Variants in CRACD observed in about 807,000 individuals in gnomAD.
CRACD encodes capping protein inhibiting regulator of actin dynamics.
CRACD carries 56 observed loss-of-function variants against 106.8 expected under a neutral mutation model. The ratio of observed to expected loss-of-function variants is 0.52; its 90% CI spans 0.42 to 0.66. CRACD has a LOEUF of 0.66. CRACD is among the 30% of genes least tolerant of loss of function. CRACD has a pLI of 0.00. For missense variants in CRACD, 1,730 were observed against 1,623.2 expected (o/e 1.07, Z -1.13); for synonymous variants, 754 against 670.8 (o/e 1.12, Z -1.92).
intron 4 of CRACD, among the ~76,000 whole-genome samples, chr4:56,305,754 G>A (rs901116291): frequency 6.6e-6 from 1 of 152,186 alleles, no homozygotes; most frequent in Non-Finnish European, 1.5e-5. Flanking sequence ...CAGGGGGCAT[G>A]TGGAGGGGAC....
chr4:56,287,048 C>A (rs148889669), intron 3 of CRACD, among the ~76,000 whole-genome samples: 52 of 152,278 alleles, frequency 3.4e-4, no homozygotes, highest in African/African-American at 1.2e-3. Context: ...GAAACAAGCC[C>A]TTCAAAACGC....
intron 2 of CRACD, among the ~76,000 whole-genome samples, chr4:56,242,827 GC>G (rs1740444650): frequency 6.6e-6 from 1 of 152,156 alleles, no homozygotes; most frequent in South Asian, 2.1e-4. Context: ...GAGATAGCAG[GC>G]GAGGGAGGGT....
At chr4:56,117,804 C>G (rs1734342819) in intron 1 of CRACD, among the ~76,000 whole-genome samples, 2 of 152,202 alleles carry the variant, frequency 1.3e-5, no homozygotes, top group Non-Finnish European at 2.9e-5. Context: ...GCTACCCAGG[C>G]TGGAGTGCAG....
At chr4:56,251,187 C>T (rs538529637) in intron 2 of CRACD, among the ~76,000 whole-genome samples, 125 of 152,218 alleles carry the variant, frequency 8.2e-4, no homozygotes, top group Non-Finnish European at 1.3e-3. Flanking sequence ...ATGCCTTGAC[C>T]GCCTGAGTCT....
intron 1 of CRACD, among the ~76,000 whole-genome samples, chr4:56,145,006 C>G (rs1735332692): frequency 1.3e-5 from 2 of 151,960 alleles, no homozygotes; most frequent in African/African-American, 4.8e-5. Flanking sequence ...CAGGCTGGTC[C>G]TGAACTCTTG....
chr4:56,301,427 A>T (rs942907551), intron 4 of CRACD, among the ~76,000 whole-genome samples: 2 of 152,014 alleles, frequency 1.3e-5, no homozygotes, highest in African/African-American at 4.8e-5. Flanking sequence ...TTATGTCTGG[A>T]ATTGTCTTTG....
In CRACD at chr4:56,266,719, A is replaced by G. The variant is rs552236506; in HGVS notation, c.-188-5602A>G. 4.5e-3 allele frequency among the ~76,000 whole-genome samples: 686 copies of G among 152,354 alleles called. 1 individual carries two copies. Among genetic ancestry groups the G allele is most frequent in the Non-Finnish European group, 7.6e-3 (516 of 68,032 alleles). ...ATCAAGAAAATAGCTGCTACTGATG[A>G]CCATGTACTTAATCCAGTTGATTCT... On this transcript the variant is annotated intron_variant, in intron 2 of 10. Coordinates refer to ENST00000682029, the MANE Select transcript of CRACD (RefSeq NM_001393381.1).
At chr4:56,057,427 A>T (rs1309534549) in intron 1 of CRACD, among the ~76,000 whole-genome samples, 2 of 152,176 alleles carry the variant, frequency 1.3e-5, no homozygotes, top group Non-Finnish European at 2.9e-5. Flanking sequence ...GTGTGTACAC[A>T]CATACACCTA....
chr4:56,255,218 A>G (rs1276016772), intron 2 of CRACD, among the ~76,000 whole-genome samples: 1 of 144,308 alleles, frequency 6.9e-6, no homozygotes, highest in African/African-American at 2.5e-5. Flanking sequence ...TGTGTTATCA[A>G]TAATTACTAC....
chr4:56,115,701 C>A (rs1334669794), intron 1 of CRACD, among the ~76,000 whole-genome samples: 1 of 152,046 alleles, frequency 6.6e-6, no homozygotes, highest in East Asian at 1.9e-4. Flanking sequence ...TATTTACTAC[C>A]CTAGTTAGTA....
At chr4:56,325,163 C>T (rs1284620418) in intron 10 of CRACD, among the ~76,000 whole-genome samples, 3 of 151,914 alleles carry the variant, frequency 2.0e-5, no homozygotes, top group South Asian at 2.1e-4. Flanking sequence ...GGCGAAACCC[C>T]GTCTCTACTA....
chr4:56,263,305 G>A (rs545852389), intron 2 of CRACD, among the ~76,000 whole-genome samples: 1 of 152,190 alleles, frequency 6.6e-6, no homozygotes, highest in South Asian at 2.1e-4. Context: ...TTACAAAACA[G>A]CAGGTCCAAG....
At chr4:56,137,859 A>C (rs1227677791) in intron 1 of CRACD, among the ~76,000 whole-genome samples, 1 of 152,236 alleles carries the variant, frequency 6.6e-6, no homozygotes, top group Admixed American at 6.5e-5. Context: ...TCTCTAAACA[A>C]ACAAGCAAAC....
At chr4:56,327,188 T>C (rs1454263564) in intron 10 of CRACD, among the ~76,000 whole-genome samples, 4 of 152,230 alleles carry the variant, frequency 2.6e-5, no homozygotes, top group Non-Finnish European at 5.9e-5. Context: ...ACTTTGGTTG[T>C]TGTAATTCTG....
At chr4:56,307,507 A>C (rs1744809603) in intron 4 of CRACD, 28 bp from the exon 5 acceptor site, 6 of 1,612,206 alleles carry the variant, frequency 3.7e-6, no homozygotes, top group Non-Finnish European at 5.1e-6. Context: ...TCACTGCTTC[A>C]GAATGTCTTT....
At chr4:56,286,483 G>A (rs1215794570) in intron 3 of CRACD, among the ~76,000 whole-genome samples, 2 of 134,078 alleles carry the variant, frequency 1.5e-5, no homozygotes, top group African/African-American at 5.6e-5. Context: ...CCGAGATCGC[G>A]CCACTGCACT....
At chr4:56,102,957 A>C (rs1354212154) in intron 1 of CRACD, among the ~76,000 whole-genome samples, 1 of 152,176 alleles carries the variant, frequency 6.6e-6, no homozygotes, top group Non-Finnish European at 1.5e-5. Context: ...ATAAAGCCTT[A>C]GCACTCATCA....
intron 1 of CRACD, among the ~76,000 whole-genome samples, chr4:56,129,798 C>T (rs182045962): frequency 1.3e-5 from 2 of 152,218 alleles, no homozygotes; most frequent in African/African-American, 2.4e-5. Context: ...TAGGATTATG[C>T]GTACAGTGCT....
chr4:56,230,403 GT>G lies in CRACD; in HGVS notation c.-188-41917del, dbSNP rs377456852. 3.2e-3 allele frequency among the ~76,000 whole-genome samples: 488 copies of G among 152,268 alleles called. 3 individuals are homozygous for G. The highest frequency in any genetic ancestry group is 0.011 in the African/African-American group (460 of 41,540). ...CATCAATTGTTCTATTAAACAACAT[GT>G]ACTGAGCACTGCTATCTGTCTGTGG... On this transcript the variant is annotated intron_variant, in intron 2 of 10. Coordinates refer to ENST00000682029, the MANE Select transcript of CRACD (RefSeq NM_001393381.1).
Sources: gnomAD v4.1 joint callset for allele counts (sites outside exome capture counted in the v4.1 genomes callset) on GRCh38, gnomAD v4.1.1 for gene constraint, MANE v1.5 for transcripts, NCBI Gene and HGNC (gene_info 2026-07-23, HGNC 2026-07-21) for gene names.